ARID1B: variants seen among roughly 807,000 people sequenced by gnomAD.
ARID1B encodes the protein AT-rich interaction domain 1B.
Under a neutral mutation model 212.3 loss-of-function variants are expected in ARID1B, and 30 were observed. That is an observed-to-expected ratio of 0.14 (90% CI 0.11 to 0.19). The LOEUF is 0.19. Among genes scored for constraint, ARID1B ranks in the 10% least tolerant of loss-of-function variants. ARID1B has a pLI of 1.00. For missense variants in ARID1B, 2,891 were observed against 3,204.0 expected (o/e 0.90, Z 2.36); for synonymous variants, 1,402 against 1,301.7 (o/e 1.08, Z -1.66).
In ARID1B at chr6:157,049,105, G is replaced by A. The variant is rs147314385; in HGVS notation, c.2248-35557G>A. Among the ~76,000 whole-genome samples, 865 of 151,936 alleles carry A rather than the reference G, an allele frequency of 5.7e-3. 8 individuals are homozygous for A. Among genetic ancestry groups the A allele is most frequent in the Middle Eastern group, 0.014 (4 of 294 alleles). Reference sequence around the variant, plus strand: ...ACAAGAATCACTTGAACCAGGAGGTGGAGGTTGCAGTGAGCTGAGATCATG... The same window carrying A: ...ACAAGAATCACTTGAACCAGGAGGTAGAGGTTGCAGTGAGCTGAGATCATG... On this transcript the variant is annotated intron_variant, in intron 4 of 19. Coordinates refer to ENST00000636930, the MANE Select transcript of ARID1B (RefSeq NM_001374828.1).
Position 157,142,363 on chromosome 6 carries a change from C to T in ARID1B, c.2762-6261C>T, listed in dbSNP as rs146821092. On this transcript the variant is annotated intron_variant, in intron 7 of 19. Transcript: ENST00000636930. ...TGACAAAGCCGGGCACATTGGCTCA[C>T]GCCTGTAATCACAGCACTTTGGGAG... 1.5e-3 allele frequency among the ~76,000 whole-genome samples: 234 copies of T among 152,252 alleles called. 3 individuals are homozygous for T. The highest frequency in any genetic ancestry group is 0.012 in the South Asian group (58 of 4,824).
At chr6:156,940,154 G>T (rs546088725) in intron 4 of ARID1B, 2 of 152,286 alleles carry the variant, frequency 1.3e-5, no homozygotes, top group South Asian at 4.1e-4. Context: ...AATACAATCA[G>T]TTTGGAATAC....
At position 157,110,454 on chromosome 6, in the gene ARID1B, C is replaced by A; in HGVS notation, c.2492-18C>A. On this transcript the variant is annotated intron_variant, in intron 5 of 19. Coordinates refer to ENST00000636930, the MANE Select transcript of ARID1B (RefSeq NM_001374828.1). ...CAAAGGGTTCCCCCATCTCCACTTT[C>A]CCTCCTGTGTTTTACAGGTAGTCAG... 6.2e-7 allele frequency: 1 copy of A among 1,612,420 alleles called. No homozygotes were observed. Among genetic ancestry groups the A allele is most frequent in the African/African-American group, 1.3e-5 (1 of 74,950 alleles).
At chr6:157,045,230 G>C (rs1782155341) in intron 4 of ARID1B, among the ~76,000 whole-genome samples, 1 of 152,114 alleles carries the variant, frequency 6.6e-6, no homozygotes, top group Non-Finnish European at 1.5e-5. Flanking sequence ...TTTGTGATGG[G>C]TCATTAATTC....
chr6:157,139,091 A>G (rs1191951793), intron 7 of ARID1B, among the ~76,000 whole-genome samples: 2 of 152,232 alleles, frequency 1.3e-5, no homozygotes, highest in African/African-American at 4.8e-5. Flanking sequence ...AGGAAAATAT[A>G]CAGTACAAAT....
intron 2 of ARID1B, among the ~76,000 whole-genome samples, chr6:156,842,207 C>T (rs753462015): frequency 9.2e-5 from 14 of 152,214 alleles, no homozygotes; most frequent in Admixed American, 2.0e-4. Context: ...ACCACCTCCT[C>T]TGTCTAGTTC....
chr6:156,892,067 T>C (rs1242770264), intron 2 of ARID1B, among the ~76,000 whole-genome samples: 3 of 136,168 alleles, frequency 2.2e-5, no homozygotes, highest in South Asian at 2.2e-4. Context: ...TTTCTTTTTT[T>C]TTTTGTATTT....
At chr6:156,934,003 C>G (rs139595094) in intron 3 of ARID1B, among the ~76,000 whole-genome samples, 3 of 152,146 alleles carry the variant, frequency 2.0e-5, no homozygotes, top group Admixed American at 6.5e-5. Flanking sequence ...AGGGGTGGGA[C>G]AGCAGAAGCT....
At chr6:156,867,423 G>A (rs952880385) in intron 2 of ARID1B, among the ~76,000 whole-genome samples, 1 of 152,148 alleles carries the variant, frequency 6.6e-6, no homozygotes, top group Non-Finnish European at 1.5e-5. Flanking sequence ...AGAAAGGGAT[G>A]TTTCCTCCCA....
At position 157,190,605 on chromosome 6, in the gene ARID1B, C is replaced by T. The variant is rs1308339087; in HGVS notation, c.4231+395C>T. Among the ~76,000 whole-genome samples, 1 of 152,216 alleles carries T rather than the reference C, an allele frequency of 6.6e-6. No individual in the cohort carries two copies. Among genetic ancestry groups the T allele is most frequent in the African/African-American group, 2.4e-5 (1 of 41,454 alleles). ...GGCTGGCAGCCGCGGTAAGTAAGCA[C>T]GCACTTCACGGCACTTGGCATGGTG... On this transcript the variant is annotated intron_variant, in intron 15 of 19. Transcript: ENST00000636930. This position sits in a 1 kb window ranked among gnomAD's most constrained non-coding sequence, Gnocchi z 4.6.
At chr6:156,936,891 A>G (rs924441792) in intron 4 of ARID1B, 3 of 152,208 alleles carry the variant, frequency 2.0e-5, no homozygotes, top group Non-Finnish European at 4.4e-5. Context: ...GACATTTGAC[A>G]TGCGTACCAT....
At chr6:156,791,661 C>T (rs545468711) in intron 1 of ARID1B, among the ~76,000 whole-genome samples, 4 of 152,288 alleles carry the variant, frequency 2.6e-5, no homozygotes, top group Non-Finnish European at 2.9e-5. Context: ...TGGATTCAAA[C>T]GGAACACGGA....
chr6:156,793,051 C>T (rs1404026504), intron 1 of ARID1B, among the ~76,000 whole-genome samples: 8 of 152,180 alleles, frequency 5.3e-5, no homozygotes, highest in African/African-American at 1.4e-4. Context: ...GCATAAGGAG[C>T]GCTAATCCAG....
chr6:157,171,869 G>A (rs935777443), intron 9 of ARID1B, among the ~76,000 whole-genome samples: 4 of 152,166 alleles, frequency 2.6e-5, no homozygotes, highest in African/African-American at 9.7e-5. Flanking sequence ...TACAAGTTGC[G>A]TTTGTGTACG....
chr6:157,141,659 T>C (rs1789361796), intron 7 of ARID1B, among the ~76,000 whole-genome samples: 1 of 152,330 alleles, frequency 6.6e-6, no homozygotes, highest in East Asian at 1.9e-4. Context: ...AAGATCTTAC[T>C]TAAATATGAT....
At chr6:156,976,696 C>T in intron 4 of ARID1B, 1 of 371,172 alleles carries the variant, frequency 2.7e-6, no homozygotes, top group South Asian at 2.1e-5. Context: ...CGCTGCTGCT[C>T]ACTCTCCTGG....
In ARID1B at chr6:157,190,277, C is replaced by A; in HGVS notation, c.4231+67C>A. ...CATTCTACTCTCTGCCGTTCCACAA[C>A]AGTTCACCTTTCACTCAGAACACCT... On this transcript the variant is annotated intron_variant, in intron 15 of 19. Coordinates refer to ENST00000636930, the MANE Select transcript of ARID1B (RefSeq NM_001374828.1). The surrounding 1 kb of genome is among the most constrained non-coding windows in gnomAD (Gnocchi z 4.6). 2 of 1,511,370 alleles carry A rather than the reference C, an allele frequency of 1.3e-6. No individual in the cohort carries two copies. Among genetic ancestry groups the A allele is most frequent in the Non-Finnish European group, 8.8e-7 (1 of 1,130,216 alleles). The allele number at this position is 1,511,370 out of a possible 1,614,324, so 93.6% of individuals were successfully genotyped here.
intron 5 of ARID1B, among the ~76,000 whole-genome samples, chr6:157,101,514 C>A (rs1209410041): frequency 6.6e-6 from 1 of 152,086 alleles, no homozygotes; most frequent in Non-Finnish European, 1.5e-5. Flanking sequence ...GGATGATTGG[C>A]CAAGAAAATT....
At chr6:157,194,510 A>G (rs897498728) in intron 15 of ARID1B, 1 of 152,248 alleles carries the variant, frequency 6.6e-6, no homozygotes, top group Non-Finnish European at 1.5e-5. Flanking sequence ...GAAAATTTAT[A>G]TTAAAATGTT....
Sources: allele counts gnomAD v4.1 joint callset (sites outside exome capture counted in the v4.1 genomes callset), GRCh38; gene constraint gnomAD v4.1.1; non-coding constraint Gnocchi (gnomAD v3.1); transcripts MANE v1.5; gene names NCBI Gene and HGNC (gene_info 2026-07-23, HGNC 2026-07-21).